Variants in FGFR2 observed in about 807,000 individuals in gnomAD.
The protein encoded by FGFR2 is BEK fibroblast growth factor receptor.
FGFR2 carries 19 observed loss-of-function variants against 95.9 expected under a neutral mutation model. The observed-to-expected ratio is 0.20, with a 90% confidence interval of 0.14 to 0.29. The LOEUF (loss-of-function observed/expected upper bound fraction) is 0.29. FGFR2 is among the 10% of genes least tolerant of loss of function. The pLI is 1.00. For missense variants in FGFR2, 707 were observed against 1,056.9 expected (o/e 0.67, Z 4.59); for synonymous variants, 392 against 393.3 (o/e 1.00, Z 0.04).
chr10:121,500,233 TC>T lies in FGFR2; in HGVS notation c.1561+592del, dbSNP rs1349772810. ...AAGGTTAACGTAGAAGTGTTCACAG[TC>T]CCACAAACACAACACGACATTTACA... On this transcript the variant is annotated intron_variant, in intron 11 of 17. Coordinates refer to ENST00000358487, the MANE Select transcript of FGFR2 (RefSeq NM_000141.5). Among the ~76,000 whole-genome samples, 8 of 152,340 alleles carry T rather than the reference TC, an allele frequency of 5.3e-5. No homozygotes were observed. The South Asian group carries it at 6.2e-4, about 12-fold the overall frequency.
intron 6 of FGFR2, among the ~76,000 whole-genome samples, chr10:121,525,982 C>A (rs1329499576): frequency 6.6e-6 from 1 of 152,138 alleles, no homozygotes; most frequent in Non-Finnish European, 1.5e-5. Flanking sequence ...CCACAAAGAG[C>A]CATTTCAAAG....
intron 2 of FGFR2, 65 bp from the exon 3 acceptor site, chr10:121,565,769 A>C (rs564572737): frequency 6.2e-7 from 1 of 1,601,836 alleles, no homozygotes; most frequent in Non-Finnish European, 8.5e-7. Context: ...AGAACGTCCA[A>C]CAAAGGTCAG....
rs1564919556 is a variant in FGFR2, at chr10:121,520,187, G to C, written c.749-18C>G. The C allele has an allele frequency of 1.2e-6, 2 of 1,608,604 alleles. No homozygotes were observed. The highest frequency in any genetic ancestry group is 2.2e-5 in the South Asian group (2 of 90,462). ...CGATCGCTCTGGTGGAGAGAGGGAA[G>C]AAAGGAGGAGTGGGGATGGGAGAAT... On this transcript the variant is annotated intron_variant, in intron 6 of 17. Transcript: ENST00000358487.
At chr10:121,496,960 G>A (rs1189640720) in intron 12 of FGFR2, among the ~76,000 whole-genome samples, 2 of 150,940 alleles carry the variant, frequency 1.3e-5, no homozygotes, top group Non-Finnish European at 3.0e-5. Flanking sequence ...GCGAAACCTC[G>A]TCTCTACTAA....
At position 121,509,421 on chromosome 10, in the gene FGFR2, GTTTTTT is replaced by G. The variant is rs199565234; in HGVS notation, c.1288-5486_1288-5481del. Reference sequence around the variant, plus strand: ...CATATGGGAGATTAAGTGAGGAAGTGTTTTTTTTTTTTCCTTTCTTTTTAAAGGGCC... The same window carrying G: ...CATATGGGAGATTAAGTGAGGAAGTGTTTTTTCCTTTCTTTTTAAAGGGCC... On this transcript the variant is annotated intron_variant, in intron 9 of 17. Transcript: ENST00000358487. Among the ~76,000 whole-genome samples the G allele has an allele frequency of 4.7e-5, 6 of 126,906 alleles. No homozygotes were observed. In the South Asian group the frequency reaches 1.6e-3, roughly 34 times the overall value. The allele number at this position is 126,906 out of a possible 152,430, so 83.3% of individuals were successfully genotyped here. A position where few individuals can be genotyped will look rare whatever the true frequency, so the allele number is the denominator to read the frequency against.
At chr10:121,589,221 T>C (rs1411599806) in intron 2 of FGFR2, among the ~76,000 whole-genome samples, 1 of 152,162 alleles carries the variant, frequency 6.6e-6, no homozygotes, top group African/African-American at 2.4e-5. Context: ...CATGGAAATG[T>C]AAGGGTAAGC....
chr10:121,515,629 T>C (rs1361902734), intron 8 of FGFR2, among the ~76,000 whole-genome samples: 3 of 152,008 alleles, frequency 2.0e-5, no homozygotes, highest in African/African-American at 7.2e-5. Context: ...CGACCAACTG[T>C]ACCCACAATG....
At chr10:121,520,511 A>G (rs1337523670) in intron 6 of FGFR2, among the ~76,000 whole-genome samples, 1 of 152,226 alleles carries the variant, frequency 6.6e-6, no homozygotes, top group Non-Finnish European at 1.5e-5. Context: ...AAGCTTCTTC[A>G]CTTATCCTAT....
intron 15 of FGFR2, 36 bp downstream of exon 15, chr10:121,487,318 G>C (rs150105073): frequency 6.4e-7 from 1 of 1,551,352 alleles, no homozygotes. Context: ...TGCAGCTCAA[G>C]CCCAGGAAAA....
At chr10:121,526,949 T>C (rs1851460338) in intron 6 of FGFR2, 1 of 392,288 alleles carries the variant, frequency 2.5e-6, no homozygotes, top group South Asian at 1.4e-4. Context: ...GCAGAGAGAG[T>C]GAAGTCTGCG....
intron 4 of FGFR2, among the ~76,000 whole-genome samples, chr10:121,560,145 A>G (rs945169029): frequency 3.3e-5 from 5 of 152,150 alleles, no homozygotes; most frequent in Non-Finnish European, 7.3e-5. Flanking sequence ...ACTGAAACGC[A>G]GCCCTTCTTT....
At chr10:121,500,357 C>T (rs1176267318) in intron 11 of FGFR2, among the ~76,000 whole-genome samples, 1 of 152,190 alleles carries the variant, frequency 6.6e-6, no homozygotes, top group African/African-American at 2.4e-5. Flanking sequence ...AGACCAGTGT[C>T]ATTTCTGCTT....
chr10:121,567,203 C>T (rs1398072521), intron 2 of FGFR2, among the ~76,000 whole-genome samples: 1 of 152,146 alleles, frequency 6.6e-6, no homozygotes, highest in East Asian at 1.9e-4. Flanking sequence ...GAGCAAGGGC[C>T]ACATGCATTG....
At chr10:121,512,719 C>T (rs972640157) in intron 9 of FGFR2, among the ~76,000 whole-genome samples, 1 of 151,992 alleles carries the variant, frequency 6.6e-6, no homozygotes, top group Non-Finnish European at 1.5e-5. Flanking sequence ...ATGTGACAGG[C>T]TGTGTCTTAC....
intron 2 of FGFR2, among the ~76,000 whole-genome samples, chr10:121,579,820 T>C (rs1217244862): frequency 6.6e-6 from 1 of 152,092 alleles, no homozygotes; most frequent in African/African-American, 2.4e-5. Context: ...GCTAAGGGCC[T>C]GCGTTACTGC....
rs147315665 is a variant in FGFR2, at chr10:121,491,163, C to T, written c.1864-3050G>A. 1.6e-3 allele frequency among the ~76,000 whole-genome samples: 240 copies of T among 152,302 alleles called. 1 individual carries two copies. Among genetic ancestry groups the T allele is most frequent in the Non-Finnish European group, 2.4e-3 (163 of 68,034 alleles). On this transcript the variant is annotated intron_variant, in intron 13 of 17. Coordinates refer to ENST00000358487, the MANE Select transcript of FGFR2 (RefSeq NM_000141.5). ...TCAGCTTGCACAGAGACACTGCTGA[C>T]GGCTCCCTCCACCATCTTCTCAGCG...
intron 17 of FGFR2, chr10:121,480,424 G>T (rs1463099375): frequency 9.6e-6 from 3 of 312,920 alleles, no homozygotes; most frequent in African/African-American, 2.1e-5. Flanking sequence ...CTCCTCACTA[G>T]AGCCCTTGCT....
At chr10:121,504,237 C>T (rs531610809) in intron 9 of FGFR2, among the ~76,000 whole-genome samples, 1 of 152,316 alleles carries the variant, frequency 6.6e-6, no homozygotes, top group East Asian at 1.9e-4. Context: ...CAGAGAGTCA[C>T]TTGAGGACAT....
chr10:121,521,393 C>T (rs538539737), intron 6 of FGFR2, among the ~76,000 whole-genome samples: 1 of 152,322 alleles, frequency 6.6e-6, no homozygotes, highest in African/African-American at 2.4e-5. Flanking sequence ...GCGGTCTCTG[C>T]AAAACTTTTG....
Sources: gnomAD v4.1 joint callset for allele counts (sites outside exome capture counted in the v4.1 genomes callset) on GRCh38, gnomAD v4.1.1 for gene constraint, MANE v1.5 for transcripts, NCBI Gene and HGNC (gene_info 2026-07-23, HGNC 2026-07-21) for gene names.